The following SLC35F1 variants were observed in gnomAD, a reference collection of about 807,000 sequenced individuals.
SLC35F1 encodes the protein chromosome 6 open reading frame 169.
A neutral mutation model predicts 48.7 loss-of-function variants in SLC35F1; 14 were observed. The observed-to-expected ratio is 0.29, with a 90% confidence interval of 0.19 to 0.45. The LOEUF (loss-of-function observed/expected upper bound fraction) is 0.45, where lower values mean the gene tolerates loss of function less well. SLC35F1 is among the 20% of genes least tolerant of loss of function. The pLI is 1.00. For missense variants in SLC35F1, 404 were observed against 500.0 expected, an observed-to-expected ratio of 0.81 and a Z score of 1.83; for synonymous variants, 190 against 202.2, an observed-to-expected ratio of 0.94 and a Z score of 0.51.
At chr6:118,213,806 A>C (rs1775038640) in intron 2 of SLC35F1, among the ~76,000 whole-genome samples, 1 of 152,244 alleles carries the variant, frequency 6.6e-6, no homozygotes, top group Non-Finnish European at 1.5e-5. Flanking sequence ...ATGCATATGC[A>C]TGTGTATAAA....
intron 1 of SLC35F1, among the ~76,000 whole-genome samples, chr6:117,939,471 T>C (rs1292984376): frequency 4.6e-5 from 7 of 152,228 alleles, no homozygotes; most frequent in South Asian, 2.1e-4. Flanking sequence ...AACAGCAAGT[T>C]AAGGTATGCT....
At chr6:118,224,564 C>T (rs928702058) in intron 2 of SLC35F1, among the ~76,000 whole-genome samples, 14 of 152,124 alleles carry the variant, frequency 9.2e-5, no homozygotes, top group African/African-American at 3.4e-4. Context: ...CTTACAAACA[C>T]TCAAGGAAGC....
chr6:118,220,364 A>C (rs1428730144), intron 2 of SLC35F1, among the ~76,000 whole-genome samples: 1 of 152,054 alleles, frequency 6.6e-6, no homozygotes, highest in South Asian at 2.1e-4. Context: ...ATATTTGTGG[A>C]TGAATAACCC....
chr6:118,248,814 C>A (rs1023754976), intron 3 of SLC35F1, among the ~76,000 whole-genome samples: 1 of 152,238 alleles, frequency 6.6e-6, no homozygotes, highest in Non-Finnish European at 1.5e-5. Flanking sequence ...TTCCCACCTA[C>A]TATAGATTGA....
intron 1 of SLC35F1, among the ~76,000 whole-genome samples, chr6:118,143,487 A>T (rs969062204): frequency 2.0e-5 from 3 of 152,166 alleles, no homozygotes; most frequent in African/African-American, 7.2e-5. Flanking sequence ...TTCATGTAAG[A>T]CTTCTTAAAT....
At chr6:118,308,702 G>T (rs283044) in intron 7 of SLC35F1, among the ~76,000 whole-genome samples, 89,633 of 152,066 alleles carry the variant, frequency 0.59, 27,040 homozygotes, top group African/African-American at 0.69. Context: ...ATGGTCACCT[G>T]ATGGCCACAT....
chr6:117,972,559 C>T (rs1219939180), intron 1 of SLC35F1, among the ~76,000 whole-genome samples: 1 of 152,136 alleles, frequency 6.6e-6, no homozygotes, highest in Admixed American at 6.6e-5. Context: ...TTCCACATAG[C>T]TAGGGAGGCC....
At chr6:118,011,111 A>G (rs533481920) in intron 1 of SLC35F1, among the ~76,000 whole-genome samples, 78 of 152,262 alleles carry the variant, frequency 5.1e-4, no homozygotes, top group African/African-American at 1.8e-3. Context: ...TGTGGTAGAC[A>G]GTTTTTCCAC....
At chr6:117,980,631 A>G (rs1378540684) in intron 1 of SLC35F1, among the ~76,000 whole-genome samples, 2 of 152,228 alleles carry the variant, frequency 1.3e-5, no homozygotes, top group Non-Finnish European at 2.9e-5. Context: ...CTCTGACTTT[A>G]GGGAGCTCAA....
At chr6:118,079,959 G>A (rs1196119814) in intron 1 of SLC35F1, among the ~76,000 whole-genome samples, 2 of 152,146 alleles carry the variant, frequency 1.3e-5, no homozygotes, top group African/African-American at 4.8e-5. Context: ...ATGTAGAAAA[G>A]CATGTCCATA....
At chr6:117,998,832 C>G (rs1047108471) in intron 1 of SLC35F1, 1 of 524,950 alleles carries the variant, frequency 1.9e-6, no homozygotes, top group South Asian at 2.1e-5. Context: ...AGGAAAGATC[C>G]AAAATTGACA....
At chr6:118,250,958 C>T (rs533176257) in intron 3 of SLC35F1, among the ~76,000 whole-genome samples, 1 of 151,234 alleles carries the variant, frequency 6.6e-6, no homozygotes, top group Non-Finnish European at 1.5e-5. Flanking sequence ...GAGCCAGACT[C>T]CATCTCAAAC....
At chr6:118,264,071 G>A (rs1775743361) in intron 3 of SLC35F1, among the ~76,000 whole-genome samples, 2 of 152,218 alleles carry the variant, frequency 1.3e-5, no homozygotes, top group Middle Eastern at 3.4e-3. Context: ...TAGGACTTAG[G>A]AAGCCTCAAC....
At position 118,316,008 on chromosome 6, in the gene SLC35F1, T is replaced by C. The variant is rs1428402558; in HGVS notation, c.*1756T>C. ...GGAAAAATACATGTTTATGAGACAT[T>C]GGGCAATTCAAATCAACATGTGTTA... On this transcript the variant is annotated 3_prime_UTR_variant, in exon 8 of 8. Transcript: ENST00000360388. 2 of 152,168 alleles carry C rather than the reference T, an allele frequency of 1.3e-5. No homozygotes were observed. Among genetic ancestry groups the C allele is most frequent in the African/African-American group, 4.8e-5 (2 of 41,414 alleles). 9.4% of individuals were successfully genotyped at this position (152,168 alleles called of 1,614,324 possible).
intron 1 of SLC35F1, among the ~76,000 whole-genome samples, chr6:118,025,214 C>T (rs1328422992): frequency 6.6e-6 from 1 of 152,106 alleles, no homozygotes; most frequent in Admixed American, 6.5e-5. Context: ...TTGGCTGTGA[C>T]TTTTTCTAAG....
intron 3 of SLC35F1, among the ~76,000 whole-genome samples, chr6:118,239,063 C>G (rs1471938216): frequency 6.6e-6 from 1 of 151,362 alleles, no homozygotes; most frequent in African/African-American, 2.4e-5. Context: ...GAACAAGTCT[C>G]TCTCTCTCTC....
chr6:118,219,061 C>A (rs527681148), intron 2 of SLC35F1, among the ~76,000 whole-genome samples: 2 of 152,090 alleles, frequency 1.3e-5, no homozygotes, highest in East Asian at 3.8e-4. Context: ...AATTTTAACA[C>A]GGACCTTTAG....
intron 3 of SLC35F1, among the ~76,000 whole-genome samples, chr6:118,260,787 T>G (rs1775702710): frequency 6.6e-6 from 1 of 152,220 alleles, no homozygotes; most frequent in Admixed American, 6.5e-5. Flanking sequence ...TCTGCAGTTC[T>G]CATGACTTCC....
At chr6:118,017,118 A>G (rs1375033190) in intron 1 of SLC35F1, among the ~76,000 whole-genome samples, 2 of 152,172 alleles carry the variant, frequency 1.3e-5, no homozygotes, top group Non-Finnish European at 1.5e-5. Flanking sequence ...GATAGACCCA[A>G]TGTCTTGAAT....
Sources: allele counts gnomAD v4.1 joint callset (sites outside exome capture counted in the v4.1 genomes callset), GRCh38; gene constraint gnomAD v4.1.1; transcripts MANE v1.5; gene names NCBI Gene and HGNC (gene_info 2026-07-23, HGNC 2026-07-21).